DNAH6: variants seen among roughly 807,000 people sequenced by gnomAD.
DNAH6 encodes the protein axonemal beta dynein heavy chain 6.
DNAH6 carries 340 observed loss-of-function variants against 491.4 expected under a neutral mutation model. The ratio of observed to expected loss-of-function variants is 0.69; its 90% CI spans 0.63 to 0.76. The LOEUF is 0.76. Ranked by LOEUF, DNAH6 falls within the 30% of genes least tolerant of loss-of-function variation. The pLI, the probability that DNAH6 is intolerant of heterozygous loss-of-function variation, is 0.00. For missense variants in DNAH6, 4,443 were observed against 4,972.2 expected (o/e 0.89, Z 3.20); for synonymous variants, 1,603 against 1,686.1 (o/e 0.95, Z 1.21).
intron 18 of DNAH6, among the ~76,000 whole-genome samples, chr2:84,600,098 A>G (rs1558777387): frequency 6.6e-6 from 1 of 152,172 alleles, no homozygotes; most frequent in Non-Finnish European, 1.5e-5. Context: ...CAGGTCATCT[A>G]TACCCTTGCT....
At chr2:84,805,177 A>G (rs1559061560) in intron 70 of DNAH6, among the ~76,000 whole-genome samples, 1 of 152,258 alleles carries the variant, frequency 6.6e-6, no homozygotes, top group African/African-American at 2.4e-5. Context: ...AATTTTTAGT[A>G]TAACAGTAAC....
intron 13 of DNAH6, among the ~76,000 whole-genome samples, chr2:84,578,673 T>A (rs1682713907): frequency 6.6e-6 from 1 of 152,176 alleles, no homozygotes; most frequent in Non-Finnish European, 1.5e-5. Context: ...CTCTCAGCCA[T>A]AAATAAAAGT....
chr2:84,517,479 T>C (rs1044646693), intron 1 of DNAH6, among the ~76,000 whole-genome samples: 17 of 152,320 alleles, frequency 1.1e-4, no homozygotes, highest in African/African-American at 3.8e-4. Flanking sequence ...AACATTGATC[T>C]CAATACTAAT....
At chr2:84,499,132 C>T in the DNAH6 span, among the ~76,000 whole-genome samples, 1 of 151,892 alleles carries the variant, frequency 6.6e-6, no homozygotes, top group African/African-American at 2.4e-5. Context: ...AATAGTGGGT[C>T]TTATTCATTC....
intron 46 of DNAH6, among the ~76,000 whole-genome samples, chr2:84,696,138 A>T (rs2104801979): frequency 6.6e-6 from 1 of 151,992 alleles, no homozygotes; most frequent in South Asian, 2.1e-4. Flanking sequence ...TACATAATAT[A>T]ATTTCTAAGC....
intron 38 of DNAH6, 130 bp downstream of exon 38, chr2:84,669,640 G>C: frequency 2.5e-6 from 2 of 786,810 alleles, no homozygotes; most frequent in Non-Finnish European, 4.1e-6. Context: ...TTTGCAGGAA[G>C]AATATTATGC....
intron 44 of DNAH6, among the ~76,000 whole-genome samples, chr2:84,687,531 A>G (rs1242135225): frequency 6.6e-6 from 1 of 152,154 alleles, no homozygotes; most frequent in Non-Finnish European, 1.5e-5. Flanking sequence ...TTTGTAAAGT[A>G]TATATTTATA....
At chr2:84,684,766 C>T (rs945783152) in intron 42 of DNAH6, among the ~76,000 whole-genome samples, 1 of 152,216 alleles carries the variant, frequency 6.6e-6, no homozygotes, top group Admixed American at 6.5e-5. Context: ...AATTCCTGTA[C>T]ATTGTTGCTT....
Position 84,624,356 on chromosome 2 carries a change from C to T in DNAH6, c.4163C>T (p.Ala1388Val), listed in dbSNP as rs1308507225. The T allele has an allele frequency of 6.4e-7, 1 of 1,551,196 alleles. No homozygotes were observed. The highest frequency in any genetic ancestry group is 8.7e-7 in the Non-Finnish European group (1 of 1,146,778). ...LTALITIDVH[A>V]RDIVTELVQS... ...GCATTGATTACTATTGATGTGCATG[C>T]AAGAGATATAGTCACTGAACTTGTT... The change falls in exon 27 of 77, where the codon GCA becomes GTA. Residue 1388 changes from alanine (A) to valine (V), a missense_variant. Physicochemically the swap from Ala to Val is moderately conservative, Grantham distance 64. Coordinates refer to ENST00000389394, the MANE Select transcript of DNAH6 (RefSeq NM_001370.2).
chr2:84,782,785 C>A (rs952300275), intron 65 of DNAH6, among the ~76,000 whole-genome samples: 2 of 151,994 alleles, frequency 1.3e-5, no homozygotes, highest in Non-Finnish European at 2.9e-5. Flanking sequence ...TCAGGGGTCC[C>A]CAGTGATTAG....
At chr2:84,528,549 C>T (rs1337683183) in intron 3 of DNAH6, among the ~76,000 whole-genome samples, 1 of 151,822 alleles carries the variant, frequency 6.6e-6, no homozygotes, top group Non-Finnish European at 1.5e-5. Flanking sequence ...AGGAGAGGTC[C>T]CAGAAAAGAT....
intron 74 of DNAH6, 21 bp downstream of exon 74, chr2:84,813,151 A>C: frequency 6.5e-7 from 1 of 1,533,088 alleles, no homozygotes; most frequent in Non-Finnish European, 8.8e-7. Flanking sequence ...TTTCTAGAAA[A>C]ACCCCATAGG....
At chr2:84,784,367 A>G (rs73946003) in intron 65 of DNAH6, among the ~76,000 whole-genome samples, 1,750 of 152,314 alleles carry the variant, frequency 0.011, 35 homozygotes, top group African/African-American at 0.04. Flanking sequence ...AAAAATCCTC[A>G]TGAAAATAAA....
intron 11 of DNAH6, among the ~76,000 whole-genome samples, chr2:84,568,890 A>G (rs57852893): frequency 0.011 from 1,740 of 152,302 alleles, 33 homozygotes; most frequent in African/African-American, 0.04. Context: ...AAATATACCA[A>G]CACTTTCTGG....
At chr2:84,641,865 C>T in intron 32 of DNAH6, 82 bp from the exon 33 acceptor site, 1 of 1,118,928 alleles carries the variant, frequency 8.9e-7, no homozygotes, top group Non-Finnish European at 1.3e-6. Context: ...AGGGGAAGGG[C>T]TCTGCCCTCC....
Position 84,547,565 on chromosome 2 carries a change from G to T in DNAH6, c.1139G>T (p.Arg380Leu). 2 of 1,551,860 alleles carry T rather than the reference G, an allele frequency of 1.3e-6. No homozygotes were observed. Among genetic ancestry groups the T allele is most frequent in the South Asian group, 2.4e-5 (2 of 84,046 alleles). The change falls in exon 7 of 77, where the codon CGT becomes CTT. Residue 380 changes from arginine (R) to leucine (L), a missense_variant. By Grantham distance (102) the Arg-to-Leu change is moderately radical. Transcript: ENST00000389394. ...AGGAGGGCTTGTCGATTTGCTTTGC[G>T]TGCTGCAGGATTTGTTCCTGATGAC... ...VVRRACRFAL[R>L]AAGFVPDDCA...
intron 4 of DNAH6, among the ~76,000 whole-genome samples, chr2:84,543,173 T>A (rs1331062248): frequency 1.3e-5 from 2 of 151,954 alleles, no homozygotes; most frequent in Non-Finnish European, 2.9e-5. Flanking sequence ...ATAATCATAA[T>A]AATAGTAGTA....
At chr2:84,722,556 T>C in intron 59 of DNAH6, 69 bp from the exon 60 acceptor site, 1 of 1,301,474 alleles carries the variant, frequency 7.7e-7, no homozygotes. Context: ...CCTAACTGGA[T>C]ACATTCCAGA....
intron 12 of DNAH6, among the ~76,000 whole-genome samples, chr2:84,575,124 A>G (rs928462318): frequency 2.0e-5 from 3 of 152,058 alleles, no homozygotes; most frequent in Admixed American, 6.5e-5. Context: ...CACTAAATCC[A>G]GTTGTTTGCC....
Sources: gnomAD v4.1 joint callset for allele counts (sites outside exome capture counted in the v4.1 genomes callset) on GRCh38, gnomAD v4.1.1 for gene constraint, MANE v1.5 for transcripts, NCBI Gene and HGNC (gene_info 2026-07-23, HGNC 2026-07-21) for gene names.